The following FRMPD1 variants were observed in gnomAD, a reference collection of about 807,000 sequenced individuals.
The protein encoded by FRMPD1 is FERM and PDZ domain containing 1, also known as FERM and PDZ domain-containing protein 1.
A neutral mutation model predicts 117.8 loss-of-function variants in FRMPD1; 76 were observed. The observed-to-expected ratio is 0.65, with a 90% CI of 0.54 to 0.78. The LOEUF is 0.78. Among genes scored for constraint, FRMPD1 ranks in the 30% least tolerant of loss-of-function variants. FRMPD1 has a pLI of 0.00. For missense variants in FRMPD1, 1,786 were observed against 1,964.5 expected (o/e 0.91, Z 1.72); for synonymous variants, 783 against 770.4 (o/e 1.02, Z -0.27).
intron 6 of FRMPD1, among the ~76,000 whole-genome samples, 200 bp downstream of exon 6, chr9:37,719,376 T>G (rs1278445935): frequency 3.3e-5 from 5 of 152,172 alleles, no homozygotes; most frequent in African/African-American, 9.7e-5. Context: ...GGGCCATGGG[T>G]GGGGACTGGG....
At chr9:37,631,562 A>G in the FRMPD1 span, among the ~76,000 whole-genome samples, 91 of 152,352 alleles carry the variant, frequency 6.0e-4, no homozygotes, top group African/African-American at 2.1e-3. Context: ...GTCACTGAAC[A>G]ATACAGTTTA....
chr9:37,711,597 A>C (rs2296553), intron 5 of FRMPD1, among the ~76,000 whole-genome samples: 63,285 of 151,954 alleles, frequency 0.42, 13,238 homozygotes, highest in East Asian at 0.56. Context: ...AGATATGGTG[A>C]AGGCCTCAAG....
At chr9:37,741,838 C>T (rs999995748) in intron 15 of FRMPD1, among the ~76,000 whole-genome samples, 1 of 152,200 alleles carries the variant, frequency 6.6e-6, no homozygotes, top group Non-Finnish European at 1.5e-5. Flanking sequence ...CGAAACACTC[C>T]TCCCCAGATC....
At chr9:37,637,220 A>G in the FRMPD1 span, 2,031 of 1,610,386 alleles carry the variant, frequency 1.3e-3, 30 homozygotes, top group African/African-American at 0.024. Flanking sequence ...AAACCGCAGG[A>G]GCAGGCATGA....
chr9:37,745,713 G>A lies in FRMPD1; in HGVS notation c.3681G>A (p.Lys1227=), dbSNP rs754382313. 1.9e-6 allele frequency: 3 copies of A among 1,614,172 alleles called. No homozygotes were observed. The Admixed American group carries it at 5.0e-5, about 27-fold the overall frequency. ...CAGCCGTCCCTCCAGAGGGGATCAAGGCAGAGGCACCTAACCATGTGACAG... is the reference window on the plus strand; with the variant it reads ...CAGCCGTCCCTCCAGAGGGGATCAAAGCAGAGGCACCTAACCATGTGACAG... The part of the protein sequence containing the change: ...VSPAVPPEGI[K]AEAPNHVTGQ... The change falls in exon 16 of 16, where the codon AAG becomes AAA. Residue 1227 remains lysine (K), a synonymous_variant. Transcript: ENST00000377765.
rs766583026 is a variant in FRMPD1, at chr9:37,735,628, T to C, written c.1295T>C (p.Leu432Pro). Residue 432 changes from leucine to proline, a missense_variant, in exon 13 of 16, where the codon CTC (leucine) becomes CCC (proline). Coordinates refer to ENST00000377765, the MANE Select transcript of FRMPD1 (RefSeq NM_014907.3). ...YGISQVINSK[L>P]NIMSTLAEFA... ...ATTAGCCAGGTTATCAATAGCAAAC[T>C]CAACATCATGTCCACATTGGCAGAG... The C allele has an allele frequency of 2.2e-5, 35 of 1,613,694 alleles. No homozygotes were observed. In the Admixed American group the frequency reaches 3.0e-4, roughly 14 times the overall value.
At chr9:37,644,345 G>C in the FRMPD1 span, among the ~76,000 whole-genome samples, 4,812 of 152,318 alleles carry the variant, frequency 0.032, 244 homozygotes, top group African/African-American at 0.11. Context: ...AGGCTGACTA[G>C]TTCTCAGGCT....
At chr9:37,738,054 G>A (rs1190079198) in intron 14 of FRMPD1, among the ~76,000 whole-genome samples, 1 of 152,180 alleles carries the variant, frequency 6.6e-6, no homozygotes, top group African/African-American at 2.4e-5. Flanking sequence ...CATGAACCTA[G>A]GGCTGTGCTG....
At chr9:37,679,574 T>G (rs780263872) in intron 1 of FRMPD1, among the ~76,000 whole-genome samples, 1 of 152,236 alleles carries the variant, frequency 6.6e-6, no homozygotes, top group Non-Finnish European at 1.5e-5. Flanking sequence ...CTTTTCTGTC[T>G]CTACAGAGTT....
chr9:37,633,989 C>G, the FRMPD1 span, among the ~76,000 whole-genome samples: 2 of 152,220 alleles, frequency 1.3e-5, no homozygotes, highest in Non-Finnish European at 2.9e-5. Context: ...TGCCCCATCT[C>G]TCTCTAACAC....
the FRMPD1 span, among the ~76,000 whole-genome samples, chr9:37,612,027 A>G: frequency 2.0e-5 from 3 of 152,274 alleles, no homozygotes; most frequent in Admixed American, 1.3e-4. Context: ...TCCTCCACTC[A>G]GGTCCCAGCA....
At chr9:37,696,028 G>A (rs979915145) in intron 2 of FRMPD1, among the ~76,000 whole-genome samples, 2 of 128,552 alleles carry the variant, frequency 1.6e-5, no homozygotes, top group Non-Finnish European at 3.2e-5. Flanking sequence ...TTCTTTCCTT[G>A]CTCACCGTTC....
At position 37,692,695 on chromosome 9, in the gene FRMPD1, A is replaced by T; in HGVS notation, c.54A>T (p.Glu18Asp). Reference sequence around the variant, plus strand: ...AGACACGGAAAGCACATAGAATAGAACAAATGGTGGCAAGATGGCTTCGGC... The same window carrying T: ...AGACACGGAAAGCACATAGAATAGATCAAATGGTGGCAAGATGGCTTCGGC... ...LFQTRKAHRI[E>D]QMVARWLRRS... The change falls in exon 2 of 16, where the codon GAA becomes GAT. Residue 18 changes from glutamate to aspartate, a missense_variant. Transcript: ENST00000377765. The T allele has an allele frequency of 6.2e-7, 1 of 1,614,114 alleles. No individual in the cohort carries two copies. Among genetic ancestry groups the T allele is most frequent in the East Asian group, 2.2e-5 (1 of 44,892 alleles).
intron 4 of FRMPD1, among the ~76,000 whole-genome samples, chr9:37,710,528 T>G (rs1426834311): frequency 3.3e-5 from 5 of 152,178 alleles, no homozygotes; most frequent in Admixed American, 2.0e-4. Flanking sequence ...TACACCGACT[T>G]TGTGTGCCCA....
At chr9:37,650,826 C>T (rs1820645790), upstream of FRMPD1, among the ~76,000 whole-genome samples, 1 of 149,080 alleles carries the variant, frequency 6.7e-6, no homozygotes, top group South Asian at 2.1e-4. Context: ...GGGGCTCCTC[C>T]CCCGGGGCGG....
chr9:37,609,003 A>T, the FRMPD1 span, among the ~76,000 whole-genome samples: 1 of 152,222 alleles, frequency 6.6e-6, no homozygotes, highest in East Asian at 1.9e-4. Flanking sequence ...TTTAATAGGC[A>T]TCTCAGGCCG....
At chr9:37,657,812 C>T (rs113848107) in intron 1 of FRMPD1, among the ~76,000 whole-genome samples, 3 of 152,030 alleles carry the variant, frequency 2.0e-5, no homozygotes, top group African/African-American at 4.8e-5. Flanking sequence ...CTGCCAGCTC[C>T]GGAGATGATC....
chr9:37,628,157 G>C, the FRMPD1 span, among the ~76,000 whole-genome samples: 1 of 152,164 alleles, frequency 6.6e-6, no homozygotes, highest in South Asian at 2.1e-4. Context: ...GACTAACAAG[G>C]CTTTACTTGG....
At chr9:37,738,743 T>C (rs1824248122) in intron 14 of FRMPD1, among the ~76,000 whole-genome samples, 1 of 151,934 alleles carries the variant, frequency 6.6e-6, no homozygotes, top group South Asian at 2.1e-4. Flanking sequence ...GTGGAGGGGT[T>C]GTGGGGGGGA....
Sources: allele counts gnomAD v4.1 joint callset (sites outside exome capture counted in the v4.1 genomes callset), GRCh38; gene constraint gnomAD v4.1.1; transcripts MANE v1.5; gene names NCBI Gene and HGNC (gene_info 2026-07-23, HGNC 2026-07-21).